JDP2: variants seen among roughly 807,000 people sequenced by gnomAD.
The protein encoded by JDP2 is Jun dimerization protein 2, also known as progesterone receptor co-activator.
A neutral mutation model predicts 17.1 loss-of-function variants in JDP2; 9 were observed. The ratio of observed to expected loss-of-function variants is 0.53; its 90% CI spans 0.32 to 0.92. The LOEUF (loss-of-function observed/expected upper bound fraction) is 0.92, where lower values mean the gene tolerates loss of function less well. JDP2 is among the 40% of genes least tolerant of loss of function. The pLI is 0.04. For synonymous variants in JDP2, 107 were observed against 95.6 expected, an observed-to-expected ratio of 1.12 and a Z score of -0.69; for missense variants, 179 against 220.0, an observed-to-expected ratio of 0.81 and a Z score of 1.18.
In JDP2 at chr14:75,470,162, T is replaced by G. The variant is rs946695976; in HGVS notation, c.*687T>G. 3.9e-5 allele frequency: 6 copies of G among 152,150 alleles called. No homozygotes were observed. The East Asian group carries it at 7.7e-4, about 20-fold the overall frequency. The allele number at this position is 152,150 out of a possible 1,614,324, so 9.4% of individuals were successfully genotyped here. ...CAGGGCTTTCAACTGCACATGTTTT[T>G]TATACTTTCCTTTTTTTTTTTTTTT... On this transcript the variant is annotated 3_prime_UTR_variant, in exon 4 of 4. Coordinates refer to ENST00000651602, the MANE Select transcript of JDP2 (RefSeq NM_001135048.2).
At chr14:75,457,619 G>A (rs1462422282) in intron 2 of JDP2, among the ~76,000 whole-genome samples, 2 of 152,254 alleles carry the variant, frequency 1.3e-5, no homozygotes, top group African/African-American at 2.4e-5. Context: ...TGGGGGCATG[G>A]GTGCAGGAAA....
intron 1 of JDP2, chr14:75,432,420 GA>G: frequency 7.4e-7 from 1 of 1,352,370 alleles, no homozygotes; most frequent in African/African-American, 1.5e-5. Flanking sequence ...TCTGTCCTGG[GA>G]ATCTTCCCAG....
intron 3 of JDP2, among the ~76,000 whole-genome samples, chr14:75,466,943 T>G (rs1566749835): frequency 6.6e-6 from 1 of 152,214 alleles, no homozygotes. Flanking sequence ...CTTTATGCTA[T>G]TCTCTTGCTT....
chr14:75,428,681 G>C lies in JDP2; in HGVS notation c.-24+429G>C, dbSNP rs1884650889. ...GGAGGGTGAAGGGCCAGGGAGGTGC[G>C]GGGTTGGGGTCGGGGTTAGATTGTG... On this transcript the variant is annotated intron_variant, in intron 1 of 3. Transcript: ENST00000651602. This position sits in a 1 kb window ranked among gnomAD's most constrained non-coding sequence, Gnocchi z 5.6. 6.6e-6 allele frequency: 1 copy of C among 152,334 alleles called. No individual in the cohort carries two copies. The highest frequency in any genetic ancestry group is 1.5e-5 in the Non-Finnish European group (1 of 68,122). 9.4% of individuals were successfully genotyped at this position (152,334 alleles called of 1,614,324 possible).
chr14:75,473,600 T>C lies in JDP2; in HGVS notation c.*4125T>C, dbSNP rs937507722. ...GATGATCAGCATAAGAACAAATAAA[T>C]TGTGGTATTTTCCTAAAATTGAATA... On this transcript the variant is annotated 3_prime_UTR_variant, in exon 4 of 4. Coordinates refer to ENST00000651602, the MANE Select transcript of JDP2 (RefSeq NM_001135048.2). 2.0e-5 allele frequency: 3 copies of C among 152,170 alleles called. No homozygotes were observed. 9.4% of individuals were successfully genotyped at this position (152,170 alleles called of 1,614,324 possible).
chr14:75,449,740 G>C (rs553588484), intron 2 of JDP2, among the ~76,000 whole-genome samples: 1 of 152,328 alleles, frequency 6.6e-6, no homozygotes, highest in East Asian at 1.9e-4. Flanking sequence ...CTAGCAAAAG[G>C]ATTTCCTAGC....
intron 1 of JDP2, among the ~76,000 whole-genome samples, chr14:75,433,195 C>CAAAAAAAAAAA (rs780191475): frequency 3.1e-4 from 6 of 19,394 alleles, no homozygotes; most frequent in Non-Finnish European, 3.8e-4. Flanking sequence ...AACTCCGTCT[C>CAAAAAAAAAAA]AAAAAAAAAA....
intron 1 of JDP2, among the ~76,000 whole-genome samples, chr14:75,429,910 T>G (rs1375715905): frequency 6.6e-6 from 1 of 152,098 alleles, no homozygotes; most frequent in African/African-American, 2.4e-5. Flanking sequence ...TGTGTAGACC[T>G]CTGGCTTTTC....
At chr14:75,461,265 TATTTCCAACTCTCCAGGC>T (rs753680441) in intron 2 of JDP2, among the ~76,000 whole-genome samples, 143 bp from the exon 3 acceptor site, 22 of 151,798 alleles carry the variant, frequency 1.4e-4, no homozygotes, top group Non-Finnish European at 2.9e-4. Context: ...GGCTGGGAGG[TATTTCCAACTCTCCAGGC>T]AGTGGGCTGG....
chr14:75,462,585 C>G (rs1193062079), intron 3 of JDP2, among the ~76,000 whole-genome samples: 2 of 152,112 alleles, frequency 1.3e-5, no homozygotes, highest in African/African-American at 4.8e-5. Context: ...CATTTGTTTG[C>G]TCTTTTGTTC....
chr14:75,461,302 A>G (rs1439972107), intron 2 of JDP2, 124 bp from the exon 3 acceptor site: 2 of 694,016 alleles, frequency 2.9e-6, no homozygotes, highest in Non-Finnish European at 5.1e-6. Context: ...GGCAGAAGTG[A>G]TCACTTGTTC....
chr14:75,440,016 C>G (rs868084474), intron 2 of JDP2, among the ~76,000 whole-genome samples: 14 of 152,186 alleles, frequency 9.2e-5, no homozygotes, highest in African/African-American at 3.4e-4. Context: ...TGGAGGAACT[C>G]TTCCCTTTTT....
chr14:75,434,672 G>A (rs557382826), intron 1 of JDP2, among the ~76,000 whole-genome samples: 60 of 152,254 alleles, frequency 3.9e-4, no homozygotes, highest in Non-Finnish European at 7.8e-4. Context: ...AACAGAAGCT[G>A]CAAACAGAGC....
At chr14:75,442,439 A>T (rs760749698) in intron 2 of JDP2, among the ~76,000 whole-genome samples, 1 of 152,078 alleles carries the variant, frequency 6.6e-6, no homozygotes, top group Non-Finnish European at 1.5e-5. Context: ...GCTTCATACC[A>T]TCTGTGTTGC....
chr14:75,440,189 G>A (rs1055547810), intron 2 of JDP2, among the ~76,000 whole-genome samples: 7 of 152,180 alleles, frequency 4.6e-5, no homozygotes, highest in African/African-American at 1.4e-4. Context: ...ATAACAAGCC[G>A]TTTTTAGGGC....
intron 2 of JDP2, among the ~76,000 whole-genome samples, chr14:75,454,115 A>T (rs946633646): frequency 6.6e-6 from 1 of 152,188 alleles, no homozygotes; most frequent in African/African-American, 2.4e-5. Context: ...CCACCTGCAG[A>T]CGGGGCCTGA....
chr14:75,454,489 C>T (rs906995067), intron 2 of JDP2, among the ~76,000 whole-genome samples: 1 of 152,142 alleles, frequency 6.6e-6, no homozygotes, highest in African/African-American at 2.4e-5. Flanking sequence ...TAATAAACAC[C>T]CATTCTGTGC....
intron 2 of JDP2, among the ~76,000 whole-genome samples, chr14:75,446,068 G>A (rs1245335061): frequency 3.9e-5 from 6 of 152,066 alleles, no homozygotes; most frequent in African/African-American, 9.7e-5. Context: ...CAACATCATA[G>A]CCATCAAGGA....
At chr14:75,455,157 C>T (rs552057849) in intron 2 of JDP2, among the ~76,000 whole-genome samples, 1 of 152,306 alleles carries the variant, frequency 6.6e-6, no homozygotes, top group African/African-American at 2.4e-5. Context: ...TGCGCATGTA[C>T]TGCATACAGA....
Sources: gnomAD v4.1 joint callset for allele counts (sites outside exome capture counted in the v4.1 genomes callset) on GRCh38, gnomAD v4.1.1 for gene constraint, Gnocchi (gnomAD v3.1) non-coding constraint, MANE v1.5 for transcripts, NCBI Gene and HGNC (gene_info 2026-07-23, HGNC 2026-07-21) for gene names.